CACNA1C: variants seen among roughly 807,000 people sequenced by gnomAD.
CACNA1C encodes calcium voltage-gated channel subunit alpha1 C.
A neutral mutation model predicts 229.0 loss-of-function variants in CACNA1C; 30 were observed. The observed-to-expected ratio is 0.13, with a 90% confidence interval of 0.10 to 0.18. CACNA1C has a LOEUF of 0.18. Ranked by LOEUF, CACNA1C falls within the 10% of genes least tolerant of loss-of-function variation. CACNA1C has a pLI of 1.00. For synonymous variants in CACNA1C, 1,114 were observed against 1,132.5 expected (o/e 0.98, Z 0.33); for missense variants, 1,658 against 2,845.0 (o/e 0.58, Z 9.49).
intron 3 of CACNA1C, among the ~76,000 whole-genome samples, chr12:2,414,070 C>T: frequency 1.5e-5 from 1 of 66,758 alleles, no homozygotes; most frequent in East Asian, 4.0e-4. Context: ...TAAGACTGGC[C>T]CAAGTCCTAT....
Position 2,605,008 on chromosome 12 carries a change from T to C in CACNA1C, c.2961-73T>C. 8.9e-7 allele frequency: 1 copy of C among 1,119,364 alleles called. No individual in the cohort carries two copies. Among genetic ancestry groups the C allele is most frequent in the Non-Finnish European group, 1.4e-6 (1 of 731,466 alleles). The allele number at this position is 1,119,364 out of a possible 1,614,324, so 69.3% of individuals were successfully genotyped here. Reference sequence around the variant, plus strand: ...GCCTCGGATTCACCTGTCAGGACATTCCCTTACCACATTATTTTTGCTCCC... The same window carrying C: ...GCCTCGGATTCACCTGTCAGGACATCCCCTTACCACATTATTTTTGCTCCC... On this transcript the variant is annotated intron_variant, in intron 22 of 46. Coordinates refer to ENST00000399655, the MANE Select transcript of CACNA1C (RefSeq NM_000719.7). The surrounding 1 kb of genome is among the most constrained non-coding windows in gnomAD (Gnocchi z 6.2).
chr12:2,346,354 C>T lies in CACNA1C; in HGVS notation c.478-102622C>T, dbSNP rs1449741876. ...AATGTGTGTGTGTGCCTATGTATGT[C>T]TCTGTGTTTGTGTGTTTGTGTGTCT... On this transcript the variant is annotated intron_variant, in intron 3 of 46. Coordinates refer to ENST00000399655, the MANE Select transcript of CACNA1C (RefSeq NM_000719.7). The surrounding 1 kb of genome is among the most constrained non-coding windows in gnomAD (Gnocchi z 4.4). Among the ~76,000 whole-genome samples the T allele has an allele frequency of 6.6e-6, 1 of 152,012 alleles. No homozygotes were observed. The highest frequency in any genetic ancestry group is 1.5e-5 in the Non-Finnish European group (1 of 67,988).
chr12:2,619,829 T>C (rs2082393273), intron 29 of CACNA1C, among the ~76,000 whole-genome samples: 1 of 152,176 alleles, frequency 6.6e-6, no homozygotes, highest in South Asian at 2.1e-4. Flanking sequence ...GCGGTAGGCT[T>C]GGTACCAGGG....
At chr12:2,339,892 A>G (rs376833408) in intron 3 of CACNA1C, among the ~76,000 whole-genome samples, 1 of 152,240 alleles carries the variant, frequency 6.6e-6, no homozygotes, top group Non-Finnish European at 1.5e-5. Flanking sequence ...GACCAAAGGG[A>G]TACTACTCTC....
intron 13 of CACNA1C, among the ~76,000 whole-genome samples, chr12:2,578,703 T>C (rs2154594489): frequency 6.6e-6 from 1 of 152,270 alleles, no homozygotes; most frequent in South Asian, 2.1e-4. Flanking sequence ...TCTCATTTCC[T>C]TGAGACGGGG....
chr12:2,486,880 C>T lies in CACNA1C; in HGVS notation c.916+618C>T, dbSNP rs896882008. 6.6e-6 allele frequency among the ~76,000 whole-genome samples: 1 copy of T among 152,230 alleles called. No homozygotes were observed. The highest frequency in any genetic ancestry group is 2.4e-5 in the African/African-American group (1 of 41,470). On this transcript the variant is annotated intron_variant, in intron 6 of 46. Transcript: ENST00000399655. The surrounding 1 kb of genome is among the most constrained non-coding windows in gnomAD (Gnocchi z 4.9). ...AAACTTCCTCCCTTCAAGGAGAAGG[C>T]TTAGTTCTACCCCATGACTCCCAGT... is the stretch of plus-strand genomic sequence containing the variant.
rs925875846 is a variant in CACNA1C at position 2,461,900 on chromosome 12, C to G, written c.757+4194C>G. 3.3e-5 allele frequency among the ~76,000 whole-genome samples: 5 copies of G among 152,284 alleles called. No individual in the cohort carries two copies. In the South Asian group the frequency reaches 1.0e-3, roughly 32 times the overall value. Reference sequence around the variant, plus strand: ...TCCTGCAGGAGTCTCTGCCTCAACCCCTATCATGGCCCGGACCTAACACGG... The same window carrying G: ...TCCTGCAGGAGTCTCTGCCTCAACCGCTATCATGGCCCGGACCTAACACGG... On this transcript the variant is annotated intron_variant, in intron 5 of 46. Transcript: ENST00000399655.
intron 3 of CACNA1C, among the ~76,000 whole-genome samples, chr12:2,299,298 A>G (rs2094364233): frequency 6.6e-6 from 1 of 152,028 alleles, no homozygotes; most frequent in Non-Finnish European, 1.5e-5. Flanking sequence ...TTGTTTTTTA[A>G]GTTTTCCAAG....
rs61907986 is a variant in CACNA1C, at chr12:2,644,110, C to G, written c.3913-4365C>G. Reference sequence around the variant, plus strand: ...TAGCAAGGGTTCTGTAGCAGGACCACTATTTAGAGACTCACACTCCCATGA... The same window carrying G: ...TAGCAAGGGTTCTGTAGCAGGACCAGTATTTAGAGACTCACACTCCCATGA... On this transcript the variant is annotated intron_variant, in intron 30 of 46. Coordinates refer to ENST00000399655, the MANE Select transcript of CACNA1C (RefSeq NM_000719.7). 6.6e-3 allele frequency among the ~76,000 whole-genome samples: 998 copies of G among 152,306 alleles called. 5 individuals carry two copies. The highest frequency in any genetic ancestry group is 0.011 in the Non-Finnish European group (753 of 68,022).
chr12:2,118,200 A>G (rs1011200587), intron 2 of CACNA1C, among the ~76,000 whole-genome samples: 2 of 152,312 alleles, frequency 1.3e-5, no homozygotes, highest in Non-Finnish European at 2.9e-5. Flanking sequence ...AGAAACCCCA[A>G]GCTCAGCTGT....
chr12:2,508,752 C>T (rs2099777173), intron 8 of CACNA1C, among the ~76,000 whole-genome samples: 1 of 152,172 alleles, frequency 6.6e-6, no homozygotes, highest in African/African-American at 2.4e-5. Context: ...ATCCAGAACA[C>T]CTATTTCTGA....
intron 3 of CACNA1C, among the ~76,000 whole-genome samples, chr12:2,237,736 CTTGTTCTTCA>C: frequency 6.6e-6 from 1 of 152,204 alleles, no homozygotes; most frequent in East Asian, 1.9e-4. Context: ...TCTCACTAGC[CTTGTTCTTCA>C]TTTTTATATC....
At chr12:2,622,801 C>A (rs2084032021) in intron 29 of CACNA1C, among the ~76,000 whole-genome samples, 4 of 152,154 alleles carry the variant, frequency 2.6e-5, no homozygotes, top group African/African-American at 4.8e-5. Flanking sequence ...CACCACCTCA[C>A]CTGTGTTCCG....
In CACNA1C at chr12:2,285,605, G is replaced by A. The variant is rs191980692; in HGVS notation, c.478-163371G>A. On this transcript the variant is annotated intron_variant, in intron 3 of 46. Transcript: ENST00000399655. This position sits in a 1 kb window ranked among gnomAD's most constrained non-coding sequence, Gnocchi z 4.2. ...TTCAATGAGAGGACTCTGCTGTGCC[G>A]CAGAGCTGGAATCACTCAAAGCAGA... Among the ~76,000 whole-genome samples, 433 of 152,232 alleles carry A rather than the reference G, an allele frequency of 2.8e-3. 5 individuals carry two copies. Among genetic ancestry groups the A allele is most frequent in the Non-Finnish European group, 1.2e-3 (85 of 68,014 alleles).
At chr12:2,246,666 C>G (rs934636935) in intron 3 of CACNA1C, among the ~76,000 whole-genome samples, 13 of 152,136 alleles carry the variant, frequency 8.5e-5, no homozygotes, top group Non-Finnish European at 1.5e-5. Context: ...GTGGTGAGAA[C>G]CCAGCCAGCA....
At chr12:2,606,165 C>T (rs2075247426) in intron 24 of CACNA1C, among the ~76,000 whole-genome samples, 1 of 152,240 alleles carries the variant, frequency 6.6e-6, no homozygotes, top group African/African-American at 2.4e-5. Context: ...TTTCAGAGCC[C>T]TGCACCTGTC....
At chr12:2,670,582 C>A (rs1014998688) in intron 38 of CACNA1C, among the ~76,000 whole-genome samples, 3 of 152,026 alleles carry the variant, frequency 2.0e-5, no homozygotes, top group African/African-American at 7.2e-5. Context: ...AAATAGGGGC[C>A]AGGCGTGCTG....
intron 5 of CACNA1C, among the ~76,000 whole-genome samples, chr12:2,478,548 G>T (rs2099643246): frequency 6.6e-6 from 1 of 152,196 alleles, no homozygotes; most frequent in African/African-American, 2.4e-5. Flanking sequence ...ACGCTTCTAA[G>T]ACCACACTTC....
At chr12:2,266,217 C>T (rs2082331531) in intron 3 of CACNA1C, among the ~76,000 whole-genome samples, 1 of 152,216 alleles carries the variant, frequency 6.6e-6, no homozygotes, top group African/African-American at 2.4e-5. Context: ...CCTCCACCTC[C>T]AGAACAATGC....
Sources: allele counts gnomAD v4.1 joint callset (sites outside exome capture counted in the v4.1 genomes callset), GRCh38; gene constraint gnomAD v4.1.1; non-coding constraint Gnocchi (gnomAD v3.1); transcripts MANE v1.5; gene names NCBI Gene and HGNC (gene_info 2026-07-23, HGNC 2026-07-21).